PCDH15: variants seen among roughly 807,000 people sequenced by gnomAD.
PCDH15 encodes the protein protocadherin related 15.
Under a neutral mutation model 178.5 loss-of-function variants are expected in PCDH15, and 129 were observed. The observed-to-expected ratio is 0.72, with a 90% confidence interval of 0.63 to 0.84. PCDH15 has a LOEUF of 0.84. Among genes scored for constraint, PCDH15 ranks in the 40% least tolerant of loss-of-function variants. The pLI is 0.00. For missense variants in PCDH15, 2,230 were observed against 2,099.9 expected (o/e 1.06, Z -1.21); for synonymous variants, 800 against 732.0 (o/e 1.09, Z -1.50).
rs912845302 is a variant in PCDH15, at chr10:54,701,325, A to G, written c.-28-37035T>C. Among the ~76,000 whole-genome samples the G allele has an allele frequency of 1.4e-4, 21 of 152,090 alleles. 1 individual carries two copies. Among genetic ancestry groups the G allele is most frequent in the Non-Finnish European group, 2.8e-4 (19 of 67,970 alleles). Reference sequence around the variant, plus strand: ...TAAAGGAGTGTTAAATATGGAAAGGAAAGACTGTTACAAGACATTATAAAA... The same window carrying G: ...TAAAGGAGTGTTAAATATGGAAAGGGAAGACTGTTACAAGACATTATAAAA... On this transcript the variant is annotated intron_variant, in intron 1 of 37. Coordinates refer to ENST00000644397, the MANE Select transcript of PCDH15 (RefSeq NM_001384140.1).
At chr10:54,738,654 CAA>C (rs1033923058) in intron 1 of PCDH15, among the ~76,000 whole-genome samples, 3 of 151,946 alleles carry the variant, frequency 2.0e-5, no homozygotes, top group Admixed American at 2.0e-4. Context: ...CAAAAATCCT[CAA>C]AAAACACTAG....
At chr10:53,844,445 C>A (rs2077847364) in intron 28 of PCDH15, among the ~76,000 whole-genome samples, 1 of 151,772 alleles carries the variant, frequency 6.6e-6, no homozygotes, top group Non-Finnish European at 1.5e-5. Context: ...CAGATATAAG[C>A]AAAACTTTGA....
chr10:53,844,854 T>C (rs939133937), intron 28 of PCDH15, among the ~76,000 whole-genome samples: 4 of 151,786 alleles, frequency 2.6e-5, no homozygotes, highest in African/African-American at 9.7e-5. Context: ...AAATATAAAT[T>C]TTCCAATGAA....
At chr10:54,577,239 C>T (rs1590222335) in intron 2 of PCDH15, among the ~76,000 whole-genome samples, 1 of 134,096 alleles carries the variant, frequency 7.5e-6, no homozygotes, top group South Asian at 2.7e-4. Flanking sequence ...TGCACCACCA[C>T]GCCCAGCTAA....
chr10:55,515,489 T>C (rs575619096), intron 2 of PCDH15, among the ~76,000 whole-genome samples: 1 of 152,246 alleles, frequency 6.6e-6, no homozygotes, highest in African/African-American at 2.4e-5. Context: ...TTTCCCACTA[T>C]TGTTTGGAAA....
intron 2 of PCDH15, among the ~76,000 whole-genome samples, chr10:55,540,602 CA>C (rs949509445): frequency 1.3e-5 from 2 of 151,764 alleles, no homozygotes; most frequent in Non-Finnish European, 2.9e-5. Context: ...TAGGCTTATG[CA>C]AAAAAATTAA....
At chr10:54,345,801 C>CAAAAAAAAAAAAA (rs540507383) in intron 6 of PCDH15, among the ~76,000 whole-genome samples, 2 of 52,462 alleles carry the variant, frequency 3.8e-5, no homozygotes, top group Non-Finnish European at 6.4e-5. Context: ...GACTCCGTCT[C>CAAAAAAAAAAAAA]AAAAAAAAAA....
chr10:54,174,298 C>T (rs948334029), intron 13 of PCDH15, among the ~76,000 whole-genome samples: 3 of 151,358 alleles, frequency 2.0e-5, no homozygotes, highest in Non-Finnish European at 4.4e-5. Context: ...TTTGGGAGGC[C>T]GAGGCAGGCA....
intron 2 of PCDH15, among the ~76,000 whole-genome samples, chr10:54,539,744 A>G (rs1393082663): frequency 6.6e-6 from 1 of 152,208 alleles, no homozygotes; most frequent in Non-Finnish European, 1.5e-5. Flanking sequence ...AGCAAGTTGG[A>G]AAAAATCCAA....
chr10:54,427,340 A>G (rs1259635732), intron 3 of PCDH15, among the ~76,000 whole-genome samples: 5 of 125,308 alleles, frequency 4.0e-5, no homozygotes, highest in South Asian at 2.4e-4. Flanking sequence ...GTACAATGGC[A>G]TGATCTCGGC....
chr10:54,825,827 C>T (rs10825404), intron 3 of PCDH15, among the ~76,000 whole-genome samples: 42,672 of 151,832 alleles, frequency 0.28, 6,131 homozygotes, highest in Middle Eastern at 0.37. Context: ...CTTTTTCATG[C>T]CAGGATATGT....
At chr10:55,578,842 C>A (rs955714148) in intron 2 of PCDH15, among the ~76,000 whole-genome samples, 3 of 152,004 alleles carry the variant, frequency 2.0e-5, no homozygotes, top group African/African-American at 7.2e-5. Flanking sequence ...CATCAGATCT[C>A]GTGAGACTTA....
At chr10:54,612,536 T>TA (rs1219490470) in intron 2 of PCDH15, among the ~76,000 whole-genome samples, 2 of 151,772 alleles carry the variant, frequency 1.3e-5, no homozygotes. Flanking sequence ...CTTAGAGATA[T>TA]AACCAGCAAA....
intron 2 of PCDH15, among the ~76,000 whole-genome samples, chr10:55,604,447 T>C (rs1288532155): frequency 2.0e-5 from 3 of 151,700 alleles, no homozygotes; most frequent in African/African-American, 7.3e-5. Flanking sequence ...TATACATTTT[T>C]TTCAGCACCA....
chr10:55,610,080 A>G (rs1313628819), intron 2 of PCDH15, among the ~76,000 whole-genome samples: 1 of 152,138 alleles, frequency 6.6e-6, no homozygotes, highest in Admixed American at 6.5e-5. Context: ...ACCAAGCACA[A>G]CAACAACAAC....
At chr10:54,798,932 G>A (rs1952347127) in intron 1 of PCDH15, among the ~76,000 whole-genome samples, 1 of 152,076 alleles carries the variant, frequency 6.6e-6, no homozygotes, top group Non-Finnish European at 1.5e-5. Context: ...TTTACAGAAA[G>A]GGGGAGTACA....
intron 2 of PCDH15, among the ~76,000 whole-genome samples, chr10:55,040,494 T>TACAACAACAACAACAACA (rs71461272): frequency 2.7e-5 from 4 of 149,728 alleles, no homozygotes; most frequent in Non-Finnish European, 5.9e-5. Flanking sequence ...CCAAAACAAC[T>TACAACAACAACAACAACA]ACAACAACAA....
At chr10:55,470,479 C>G (rs1839932963) in intron 2 of PCDH15, among the ~76,000 whole-genome samples, 1 of 151,978 alleles carries the variant, frequency 6.6e-6, no homozygotes, top group Non-Finnish European at 1.5e-5. Flanking sequence ...AATTTATTAT[C>G]ATGATAGTTT....
At chr10:54,941,593 T>A (rs1396776552) in intron 2 of PCDH15, among the ~76,000 whole-genome samples, 1 of 152,140 alleles carries the variant, frequency 6.6e-6, no homozygotes, top group African/African-American at 2.4e-5. Flanking sequence ...TGCCTGTTTT[T>A]GTCATTGTTT....
Sources: gnomAD v4.1 joint callset for allele counts (sites outside exome capture counted in the v4.1 genomes callset) on GRCh38, gnomAD v4.1.1 for gene constraint, MANE v1.5 for transcripts, NCBI Gene and HGNC (gene_info 2026-07-23, HGNC 2026-07-21) for gene names.